The following INPP4B variants were observed in gnomAD, a reference collection of about 807,000 sequenced individuals.
INPP4B encodes the protein inositol polyphosphate 4-phosphatase type II.
INPP4B carries 55 observed loss-of-function variants against 122.5 expected under a neutral mutation model. The ratio of observed to expected loss-of-function variants is 0.45; its 90% CI spans 0.36 to 0.56. The LOEUF is 0.56. INPP4B is among the 20% of genes least tolerant of loss of function. The pLI, the probability that INPP4B is intolerant of heterozygous loss-of-function variation, is 0.00. For missense variants in INPP4B, 1,000 were observed against 1,097.7 expected (o/e 0.91, Z 1.26); for synonymous variants, 403 against 388.7 (o/e 1.04, Z -0.43).
chr4:142,399,194 T>C (rs1366103146), intron 7 of INPP4B, among the ~76,000 whole-genome samples: 4 of 121,340 alleles, frequency 3.3e-5, no homozygotes, highest in African/African-American at 1.3e-4. Context: ...TTTTGCTTTT[T>C]TTTTTTTTTT....
intron 25 of INPP4B, among the ~76,000 whole-genome samples, chr4:142,042,334 G>T (rs765252737): frequency 4.6e-5 from 7 of 152,134 alleles, no homozygotes; most frequent in Non-Finnish European, 8.8e-5. Flanking sequence ...TGTCAAAAAA[G>T]CAGTGGTGCT....
At chr4:142,284,317 A>G (rs531923037) in intron 9 of INPP4B, among the ~76,000 whole-genome samples, 1 of 152,300 alleles carries the variant, frequency 6.6e-6, no homozygotes, top group East Asian at 1.9e-4. Flanking sequence ...ATGCAAAAGA[A>G]AAATGACATA....
rs1404023356 is a variant in INPP4B at position 142,054,585 on chromosome 4, G to T, written c.2643-25671C>A. Among the ~76,000 whole-genome samples, 3 of 50,364 alleles carry T rather than the reference G, an allele frequency of 6.0e-5. No homozygotes were observed. In the East Asian group the frequency reaches 3.2e-3, roughly 54 times the overall value. The allele number at this position is 50,364 out of a possible 152,430, so 33.0% of individuals were successfully genotyped here. A position where few individuals can be genotyped will look rare whatever the true frequency, so the allele number is the denominator to read the frequency against. On this transcript the variant is annotated intron_variant, in intron 25 of 25. Transcript: ENST00000262992. Reference sequence around the variant, plus strand: ...GATAATTCCAAAGACAGTCCAGAGGGTCCCATTTTTTTTTCTTGTGAACTG... The same window carrying T: ...GATAATTCCAAAGACAGTCCAGAGGTTCCCATTTTTTTTTCTTGTGAACTG...
At chr4:142,208,332 G>GT in intron 14 of INPP4B, 93 bp downstream of exon 14, 2 of 555,496 alleles carry the variant, frequency 3.6e-6, no homozygotes, top group Non-Finnish European at 6.1e-6. Flanking sequence ...TTATATAATT[G>GT]TTAAACTTTT....
intron 23 of INPP4B, among the ~76,000 whole-genome samples, chr4:142,098,560 A>C (rs916227108): frequency 6.6e-6 from 1 of 152,118 alleles, no homozygotes; most frequent in East Asian, 1.9e-4. Context: ...ACAGGGTAGT[A>C]GCAATGCAGG....
At chr4:142,295,866 G>C (rs1758476620) in intron 9 of INPP4B, among the ~76,000 whole-genome samples, 1 of 151,804 alleles carries the variant, frequency 6.6e-6, no homozygotes. Flanking sequence ...GGAAAAAGCA[G>C]ATATAAATGT....
intron 2 of INPP4B, among the ~76,000 whole-genome samples, chr4:142,472,429 A>C (rs1203602164): frequency 1.3e-5 from 2 of 152,176 alleles, no homozygotes; most frequent in African/African-American, 4.8e-5. Context: ...CGAACCCAGT[A>C]AGTACTATCT....
At chr4:142,609,170 T>C (rs985014551) in intron 2 of INPP4B, among the ~76,000 whole-genome samples, 12 of 151,720 alleles carry the variant, frequency 7.9e-5, no homozygotes, top group Non-Finnish European at 1.6e-4. Context: ...CGAATAATTT[T>C]CCAGTAATGG....
intron 2 of INPP4B, among the ~76,000 whole-genome samples, chr4:142,687,845 C>A (rs1036070631): frequency 6.6e-6 from 1 of 152,112 alleles, no homozygotes; most frequent in Non-Finnish European, 1.5e-5. Context: ...ATCACCTAAG[C>A]TGCCAGGATG....
rs538761707 is a variant in INPP4B, at chr4:142,201,129, CT to C, written c.1072+7295del. ...CAAAAAACTTGTTTTAAGTTTTAAA[CT>C]TTTAACTTTGATAGCCAAAGAGTGG... On this transcript the variant is annotated intron_variant, in intron 14 of 25. Transcript: ENST00000262992. Among the ~76,000 whole-genome samples the C allele has an allele frequency of 3.9e-3, 597 of 152,104 alleles. 6 individuals carry two copies. Among genetic ancestry groups the C allele is most frequent in the African/African-American group, 0.014 (561 of 41,550 alleles).
At chr4:142,605,724 C>T (rs1190705481) in intron 2 of INPP4B, among the ~76,000 whole-genome samples, 1 of 151,906 alleles carries the variant, frequency 6.6e-6, no homozygotes, top group Non-Finnish European at 1.5e-5. Flanking sequence ...ATCAAAATTA[C>T]AGTGAGACAT....
At chr4:142,804,066 T>C in intron 1 of INPP4B, among the ~76,000 whole-genome samples, 1 of 144,230 alleles carries the variant, frequency 6.9e-6, no homozygotes, top group African/African-American at 2.6e-5. Context: ...CATAAATAAA[T>C]AAATAAATAA....
Position 142,314,639 on chromosome 4 carries a change from G to A in INPP4B, c.423+73C>T. 2.9e-6 allele frequency: 4 copies of A among 1,371,112 alleles called. No individual in the cohort carries two copies. The East Asian group carries it at 7.4e-5, about 25-fold the overall frequency. 84.9% of individuals were successfully genotyped at this position (1,371,112 alleles called of 1,614,324 possible). A position where few individuals can be genotyped will look rare whatever the true frequency, so the allele number is the denominator to read the frequency against. ...ATTTTATTTGTCAGTTACCAAGCAGGAGGCCAGAGAAAATCCAAATGATTA... is the reference window on the plus strand; with the variant it reads ...ATTTTATTTGTCAGTTACCAAGCAGAAGGCCAGAGAAAATCCAAATGATTA... On this transcript the variant is annotated intron_variant, in intron 8 of 25. Transcript: ENST00000262992.
chr4:142,545,725 G>GTATA (rs1319485837), intron 2 of INPP4B, among the ~76,000 whole-genome samples: 282 of 113,928 alleles, frequency 2.5e-3, no homozygotes, highest in African/African-American at 9.7e-3. Context: ...GTATATGTGT[G>GTATA]TATATACACA....
At chr4:142,390,537 T>C (rs1233487758) in intron 7 of INPP4B, among the ~76,000 whole-genome samples, 2 of 152,172 alleles carry the variant, frequency 1.3e-5, no homozygotes, top group African/African-American at 2.4e-5. Context: ...ACTTATAACT[T>C]TGAGATGCTA....
intron 1 of INPP4B, among the ~76,000 whole-genome samples, chr4:142,802,430 A>G (rs1778121267): frequency 6.6e-6 from 1 of 152,162 alleles, no homozygotes; most frequent in Non-Finnish European, 1.5e-5. Context: ...TATTGTGAGA[A>G]TGAGAGTCCC....
At chr4:142,269,304 T>TA (rs2150541987) in intron 10 of INPP4B, among the ~76,000 whole-genome samples, 1 of 150,882 alleles carries the variant, frequency 6.6e-6, no homozygotes, top group Non-Finnish European at 1.5e-5. Flanking sequence ...CCCCCTCTTT[T>TA]TTCCTCTCTT....
chr4:142,670,780 C>G (rs1347889713), intron 2 of INPP4B, among the ~76,000 whole-genome samples: 2 of 151,950 alleles, frequency 1.3e-5, no homozygotes, highest in Non-Finnish European at 2.9e-5. Context: ...TTAAAAAATG[C>G]TAAGAGAGTA....
At chr4:142,217,593 G>T (rs1053968064) in intron 12 of INPP4B, among the ~76,000 whole-genome samples, 1 of 152,164 alleles carries the variant, frequency 6.6e-6, no homozygotes. Flanking sequence ...TAGGGATAAA[G>T]ATTTGAAAAA....
Sources: gnomAD v4.1 joint callset for allele counts (sites outside exome capture counted in the v4.1 genomes callset) on GRCh38, gnomAD v4.1.1 for gene constraint, MANE v1.5 for transcripts, NCBI Gene and HGNC (gene_info 2026-07-23, HGNC 2026-07-21) for gene names.